Variants in NEGR1 observed in about 807,000 individuals in gnomAD.
NEGR1 encodes neuronal growth regulator 1.
Under a neutral mutation model 40.9 loss-of-function variants are expected in NEGR1, and 10 were observed. The ratio of observed to expected loss-of-function variants is 0.24; its 90% CI spans 0.15 to 0.42. NEGR1 has a LOEUF of 0.42. Ranked by LOEUF, NEGR1 falls within the 10% of genes least tolerant of loss-of-function variation. The pLI, the probability that NEGR1 is intolerant of heterozygous loss-of-function variation, is 1.00. For synonymous variants in NEGR1, 185 were observed against 166.8 expected, an observed-to-expected ratio of 1.11 and a Z score of -0.84; for missense variants, 352 against 438.9, an observed-to-expected ratio of 0.80 and a Z score of 1.77.
chr1:71,611,287 T>G, intron 4 of NEGR1, 141 bp from the exon 5 acceptor site: 1 of 724,612 alleles, frequency 1.4e-6, no homozygotes, highest in South Asian at 1.9e-5. Flanking sequence ...ATTTTCAGTG[T>G]TTTATGCTTC....
chr1:71,868,881 C>A (rs1031232773), intron 2 of NEGR1, among the ~76,000 whole-genome samples: 27 of 152,042 alleles, frequency 1.8e-4, no homozygotes, highest in African/African-American at 6.3e-4. Context: ...CTCAAATACG[C>A]CTTACCCCCA....
intron 1 of NEGR1, among the ~76,000 whole-genome samples, chr1:72,133,278 T>G (rs1238180622): frequency 6.6e-6 from 1 of 152,116 alleles, no homozygotes; most frequent in Non-Finnish European, 1.5e-5. Flanking sequence ...AATCTTTTGA[T>G]ATGCATTGGT....
At chr1:72,031,122 GT>G (rs1334781873) in intron 1 of NEGR1, among the ~76,000 whole-genome samples, 1 of 152,208 alleles carries the variant, frequency 6.6e-6, no homozygotes, top group East Asian at 1.9e-4. Flanking sequence ...CCTGCAGCTG[GT>G]TTGAAATTGG....
intron 1 of NEGR1, among the ~76,000 whole-genome samples, chr1:72,252,490 A>T (rs1358746728): frequency 6.6e-6 from 1 of 152,214 alleles, no homozygotes; most frequent in Non-Finnish European, 1.5e-5. Context: ...CTAAAACCAC[A>T]AATTTGGTTT....
chr1:71,741,184 T>C (rs1210475654), intron 3 of NEGR1, among the ~76,000 whole-genome samples: 1 of 152,162 alleles, frequency 6.6e-6, no homozygotes, highest in African/African-American at 2.4e-5. Context: ...TAATTCTCCA[T>C]TTGGTCCCTC....
chr1:72,280,689 A>C (rs909732174), intron 1 of NEGR1, among the ~76,000 whole-genome samples: 11 of 152,240 alleles, frequency 7.2e-5, no homozygotes, highest in African/African-American at 2.7e-4. Context: ...CATATGTATT[A>C]GTGTATATTA....
intron 1 of NEGR1, among the ~76,000 whole-genome samples, chr1:72,155,491 A>T (rs1651324280): frequency 6.6e-6 from 1 of 152,008 alleles, no homozygotes; most frequent in Non-Finnish European, 1.5e-5. Flanking sequence ...TCATGACCCA[A>T]ATTCTCAAAA....
At chr1:71,961,133 T>C (rs1436917521) in intron 1 of NEGR1, among the ~76,000 whole-genome samples, 1 of 152,156 alleles carries the variant, frequency 6.6e-6, no homozygotes, top group Non-Finnish European at 1.5e-5. Flanking sequence ...TAAGAAGCAT[T>C]ATTCACTATT....
At chr1:71,705,755 T>G (rs978434345) in intron 3 of NEGR1, among the ~76,000 whole-genome samples, 33 of 79,762 alleles carry the variant, frequency 4.1e-4, no homozygotes, top group African/African-American at 1.2e-3. Context: ...GAAAAGAAAA[T>G]AAAAGAAGAG....
chr1:71,482,818 A>G (rs966455208), intron 6 of NEGR1, among the ~76,000 whole-genome samples: 30 of 152,002 alleles, frequency 2.0e-4, no homozygotes, highest in African/African-American at 7.2e-4. Context: ...TCAGCAAATA[A>G]TTGACAGCTA....
intron 5 of NEGR1, among the ~76,000 whole-genome samples, chr1:71,593,284 C>T (rs1030685275): frequency 4.6e-5 from 7 of 152,094 alleles, no homozygotes; most frequent in South Asian, 4.1e-4. Flanking sequence ...AATATCTCAT[C>T]TATTAAAGTC....
chr1:72,282,167 G>C (rs970988204), intron 1 of NEGR1, 152 bp downstream of exon 1: 25 of 950,274 alleles, frequency 2.6e-5, no homozygotes, highest in Non-Finnish European at 3.2e-5. Flanking sequence ...GGGGCTCCGG[G>C]AAGAATCTGC....
intron 1 of NEGR1, among the ~76,000 whole-genome samples, chr1:71,941,046 C>T (rs780482573): frequency 2.0e-5 from 3 of 152,096 alleles, no homozygotes; most frequent in Admixed American, 6.6e-5. Context: ...ATAAAAAGTA[C>T]ATTTTTCTCT....
chr1:71,771,699 C>CACAAAAAAA (rs551407909), intron 3 of NEGR1, among the ~76,000 whole-genome samples: 1 of 12,098 alleles, frequency 8.3e-5, no homozygotes, highest in East Asian at 3.6e-3. Flanking sequence ...GACTTAGTCT[C>CACAAAAAAA]AAAAAAAAAA....
chr1:72,033,589 A>G (rs1646877709), intron 1 of NEGR1, among the ~76,000 whole-genome samples: 1 of 152,204 alleles, frequency 6.6e-6, no homozygotes, highest in Non-Finnish European at 1.5e-5. Context: ...AACATATGCA[A>G]CCATCTTATG....
Position 71,685,924 on chromosome 1 carries a change from A to G in NEGR1, c.667+12084T>C, listed in dbSNP as rs11209823. 6.9e-3 allele frequency among the ~76,000 whole-genome samples: 1,037 copies of G among 149,958 alleles called. 12 individuals carry two copies. The highest frequency in any genetic ancestry group is 0.024 in the African/African-American group (973 of 40,718). On this transcript the variant is annotated intron_variant, in intron 4 of 6. Transcript: ENST00000357731. ...TCGCGACGGAGCTTAGCTGGTTTCAAAAACTATTGTCAGAAAAGTTTATGT... is the reference window on the plus strand; with the variant it reads ...TCGCGACGGAGCTTAGCTGGTTTCAGAAACTATTGTCAGAAAAGTTTATGT...
At chr1:72,090,226 T>C (rs1648413430) in intron 1 of NEGR1, among the ~76,000 whole-genome samples, 2 of 152,022 alleles carry the variant, frequency 1.3e-5, no homozygotes, top group African/African-American at 4.8e-5. Context: ...ATTATAATCA[T>C]TATATTAATG....
At chr1:71,672,185 C>G (rs1486735711) in intron 4 of NEGR1, among the ~76,000 whole-genome samples, 1 of 151,976 alleles carries the variant, frequency 6.6e-6, no homozygotes, top group African/African-American at 2.4e-5. Flanking sequence ...GATTTAATAC[C>G]TTGCTGTTGA....
At chr1:72,072,330 A>G (rs1247816451) in intron 1 of NEGR1, among the ~76,000 whole-genome samples, 5 of 152,124 alleles carry the variant, frequency 3.3e-5, no homozygotes, top group Admixed American at 6.6e-5. Context: ...TCATCACTGA[A>G]TTTCTAATAC....
Sources: gnomAD v4.1 joint callset for allele counts (sites outside exome capture counted in the v4.1 genomes callset) on GRCh38, gnomAD v4.1.1 for gene constraint, MANE v1.5 for transcripts, NCBI Gene and HGNC (gene_info 2026-07-23, HGNC 2026-07-21) for gene names.